Variants in CDK11B observed in about 807,000 individuals in gnomAD.
CDK11B encodes cyclin-dependent kinase 11B.
In CDK11B, 37 loss-of-function variants were observed where a neutral mutation model predicts 84.0. The ratio of observed to expected loss-of-function variants is 0.44; its 90% CI spans 0.34 to 0.58. The LOEUF is 0.58. CDK11B is among the 20% of genes least tolerant of loss of function. CDK11B has a pLI of 0.02. For missense variants in CDK11B, 427 were observed against 834.0 expected (o/e 0.51, Z 6.01); for synonymous variants, 269 against 309.8 (o/e 0.87, Z 1.38).
chr1:1,637,303 T>C, intron 14 of CDK11B, 101 bp from the exon 15 acceptor site: 1 of 1,570,312 alleles, frequency 6.4e-7, no homozygotes, highest in Non-Finnish European at 8.6e-7. Flanking sequence ...TCTCAGGGCT[T>C]TCCCTGTGGA....
At chr1:1,650,281 A>AAAAAAAG (rs1641798674) in intron 4 of CDK11B, among the ~76,000 whole-genome samples, 1 of 147,414 alleles carries the variant, frequency 6.8e-6, no homozygotes, top group Non-Finnish European at 1.5e-5. Context: ...AAAAAAAAAA[A>AAAAAAAG]AAAGAAATTA....
rs1441181585 is a variant in CDK11B at position 1,640,319 on chromosome 1, G to A, written c.1209C>T (p.Ile403=). ...ACTTGGGCAGCTCCTGCTTGAGCTC[G>A]ATGGGCGACAGGGCAGGGGAGTCGG... is the stretch of plus-strand genomic sequence containing the variant. The part of the protein sequence containing the change: ...YVPDSPALSP[I]ELKQELPKYL... The change falls in exon 11 of 20, where the codon ATC becomes ATT. Residue 403 remains isoleucine, a synonymous_variant. Transcript: ENST00000341832. 2.2e-5 allele frequency: 36 copies of A among 1,613,670 alleles called. No individual in the cohort carries two copies. Among genetic ancestry groups the A allele is most frequent in the Non-Finnish European group, 3.1e-5 (36 of 1,179,658 alleles).
intron 3 of CDK11B, among the ~76,000 whole-genome samples, chr1:1,654,913 C>T (rs1393680231): frequency 6.6e-6 from 1 of 151,986 alleles, no homozygotes; most frequent in Non-Finnish European, 1.5e-5. Flanking sequence ...CCACCTCGGC[C>T]TCCCAAAGTG....
At chr1:1,647,905 C>T (rs1190959494) in intron 5 of CDK11B, among the ~76,000 whole-genome samples, 1 of 152,228 alleles carries the variant, frequency 6.6e-6, no homozygotes, top group Non-Finnish European at 1.5e-5. Context: ...CCCAGTGGAA[C>T]CTCCGTGCTT....
At position 1,650,281 on chromosome 1, in the gene CDK11B, A is replaced by AAAAAAAAAAAAAAAAAAG. The variant is rs1641798674; in HGVS notation, c.356-645_356-644insCTTTTTTTTTTTTTTTTT. 7.5e-5 allele frequency among the ~76,000 whole-genome samples: 11 copies of AAAAAAAAAAAAAAAAAAG among 147,522 alleles called. 1 individual carries two copies. Among genetic ancestry groups the AAAAAAAAAAAAAAAAAAG allele is most frequent in the Non-Finnish European group, 1.5e-4 (10 of 65,748 alleles). ...AAGACTCCGTCCCAAAAAAAAAAAA[A>AAAAAAAAAAAAAAAAAAG]AAAGAAATTAAATCAAGAACAGTAA... is the stretch of plus-strand genomic sequence containing the variant. On this transcript the variant is annotated intron_variant, in intron 4 of 19. Coordinates refer to ENST00000341832, the MANE Select transcript of CDK11B (RefSeq NM_033486.3).
At position 1,636,715 on chromosome 1, in the gene CDK11B, C is replaced by T. The variant is rs1059815; in HGVS notation, c.1884G>A (p.Lys628=). ...CCTTGTTGATCTGATCGATTTCTGA[C>T]TTCCCGGGGAACAGAGGCTTCTGAG... The part of the protein sequence containing the change: ...LLTQKPLFPG[K]SEIDQINKVF... The change falls in exon 17 of 20, where the codon AAG becomes AAA. Residue 628 remains lysine (K), a synonymous_variant. Coordinates refer to ENST00000341832, the MANE Select transcript of CDK11B (RefSeq NM_033486.3). 1.9e-6 allele frequency: 3 copies of T among 1,613,846 alleles called. No homozygotes were observed. Among genetic ancestry groups the T allele is most frequent in the Non-Finnish European group, 2.5e-6 (3 of 1,179,764 alleles).
intron 4 of CDK11B, among the ~76,000 whole-genome samples, chr1:1,650,688 T>A (rs1433391631): frequency 0.33 from 40,339 of 122,444 alleles, 6,433 homozygotes; most frequent in African/African-American, 0.44. Flanking sequence ...TTTTTTTTTT[T>A]AAAGAGACAG....
At chr1:1,656,766 C>G (rs1056903613) in intron 2 of CDK11B, among the ~76,000 whole-genome samples, 10 of 152,126 alleles carry the variant, frequency 6.6e-5, no homozygotes, top group Non-Finnish European at 1.3e-4. Context: ...AAAAAGCTAA[C>G]AAAGTGAGCA....
intron 4 of CDK11B, among the ~76,000 whole-genome samples, chr1:1,650,069 G>A (rs1641736719): frequency 6.6e-6 from 1 of 150,440 alleles, no homozygotes; most frequent in Admixed American, 6.6e-5. Flanking sequence ...GTCAGATCGG[G>A]ACCATCCTGG....
rs777440368 is a variant in CDK11B at position 1,636,463 on chromosome 1, C to T, written c.1936G>A (p.Glu646Lys). 6.2e-6 allele frequency: 10 copies of T among 1,612,586 alleles called. No homozygotes were observed. The highest frequency in any genetic ancestry group is 8.5e-6 in the Non-Finnish European group (10 of 1,179,246). ...TCGCTGTAGCCGGGCCAGATTTTCT[C>T]ACTAGGGGTCCCCAGATCCTGAAAG... ...KVFKDLGTPSEKIWPGYSELP... is the reference protein window; with the variant it reads ...KVFKDLGTPSKKIWPGYSELP... Residue 646 changes from glutamate to lysine, a missense_variant, in exon 18 of 20, where the codon GAG becomes AAG. Physicochemically the swap from Glu to Lys is moderately conservative, Grantham distance 56 (BLOSUM62 1). Transcript: ENST00000341832.
chr1:1,650,078 G>C (rs1327704457), intron 4 of CDK11B, among the ~76,000 whole-genome samples: 1 of 150,764 alleles, frequency 6.6e-6, no homozygotes, highest in Non-Finnish European at 1.5e-5. Flanking sequence ...GGACCATCCT[G>C]GCTAACACGG....
chr1:1,657,851 G>A (rs1416408716), intron 1 of CDK11B, among the ~76,000 whole-genome samples: 2 of 121,678 alleles, frequency 1.6e-5, no homozygotes, highest in African/African-American at 7.0e-5. Context: ...GCTGCAATGA[G>A]CCAAGACTGC....
chr1:1,654,814 A>G (rs1427972581), intron 3 of CDK11B, among the ~76,000 whole-genome samples: 1 of 151,292 alleles, frequency 6.6e-6, no homozygotes, highest in Non-Finnish European at 1.5e-5. Context: ...GCCTGCCACC[A>G]CGCCCGGCTA....
chr1:1,650,005 G>A (rs1188377103), intron 4 of CDK11B, among the ~76,000 whole-genome samples: 3 of 149,998 alleles, frequency 2.0e-5, no homozygotes, highest in African/African-American at 7.4e-5. Flanking sequence ...CGGGCGCGGT[G>A]GCTCACGCCT....
chr1:1,648,266 T>C (rs1641431008), intron 5 of CDK11B, among the ~76,000 whole-genome samples: 1 of 152,040 alleles, frequency 6.6e-6, no homozygotes, highest in Non-Finnish European at 1.5e-5. Flanking sequence ...TCTACCAACC[T>C]CCACTTCTAT....
At chr1:1,654,445 C>G (rs949057923) in intron 3 of CDK11B, among the ~76,000 whole-genome samples, 3 of 152,010 alleles carry the variant, frequency 2.0e-5, no homozygotes, top group Non-Finnish European at 4.4e-5. Context: ...TTTTTCTCAT[C>G]TTCTTTTTTT....
chr1:1,650,355 AT>A (rs1162448203), intron 4 of CDK11B, among the ~76,000 whole-genome samples: 3 of 135,926 alleles, frequency 2.2e-5, no homozygotes, highest in Non-Finnish European at 4.7e-5. Flanking sequence ...AGTAATCCTA[AT>A]TTTTCTTTTT....
At chr1:1,657,293 A>C (rs61776761) in intron 2 of CDK11B, 82 bp downstream of exon 2, 1 of 1,548,962 alleles carries the variant, frequency 6.5e-7, no homozygotes, top group East Asian at 2.3e-5. Flanking sequence ...TTCACCGAAG[A>C]AGCGTTGTTC....
chr1:1,637,337 C>T (rs1178162839), intron 14 of CDK11B, 71 bp downstream of exon 14: 1 of 1,576,558 alleles, frequency 6.3e-7, no homozygotes, highest in African/African-American at 1.4e-5. Flanking sequence ...CCCTGCAGCA[C>T]TGTCACCGCG....
Sources: allele counts gnomAD v4.1 joint callset (sites outside exome capture counted in the v4.1 genomes callset), GRCh38; gene constraint gnomAD v4.1.1; transcripts MANE v1.5; gene names NCBI Gene and HGNC (gene_info 2026-07-23, HGNC 2026-07-21).